Variants in AGAP1 observed in about 807,000 individuals in gnomAD.
AGAP1 encodes ArfGAP with GTPase domain, ankyrin repeat and PH domain 1, also known as arf-GAP with GTPase, ANK repeat and PH domain-containing protein 1.
AGAP1 carries 29 observed loss-of-function variants against 105.3 expected under a neutral mutation model. That is an observed-to-expected ratio of 0.28 (90% CI 0.21 to 0.38). AGAP1 has a LOEUF of 0.38. Among genes scored for constraint, AGAP1 ranks in the 10% least tolerant of loss-of-function variants. The pLI is 1.00. For synonymous variants in AGAP1, 509 were observed against 485.9 expected (o/e 1.05, Z -0.63); for missense variants, 998 against 1,165.1 (o/e 0.86, Z 2.09).
intron 9 of AGAP1, among the ~76,000 whole-genome samples, chr2:235,851,848 C>G (rs1201009163): frequency 6.6e-6 from 1 of 152,228 alleles, no homozygotes; most frequent in Non-Finnish European, 1.5e-5. Flanking sequence ...CACGTCTCAT[C>G]TGCAGTACGC....
intron 13 of AGAP1, among the ~76,000 whole-genome samples, chr2:236,008,943 C>T (rs1480387331): frequency 6.6e-6 from 1 of 152,162 alleles, no homozygotes; most frequent in Admixed American, 6.5e-5. Context: ...GACTGTTGGC[C>T]TTGCAAGAAA....
intron 9 of AGAP1, among the ~76,000 whole-genome samples, chr2:235,820,457 G>A (rs1958727471): frequency 6.6e-6 from 1 of 152,100 alleles, no homozygotes; most frequent in South Asian, 2.1e-4. Flanking sequence ...CTACTTTTGA[G>A]TATTTATCCA....
intron 6 of AGAP1, chr2:235,776,860 T>TCGAGGCTCTCCTAGCCC (rs1955910136): frequency 2.1e-6 from 1 of 468,450 alleles, no homozygotes; most frequent in Admixed American, 2.4e-5. Flanking sequence ...TTCCAAAATC[T>TCGAGGCTCTCCTAGCCC]CGAGGCTCTC....
rs1944765224 is a variant in AGAP1 at position 235,577,298 on chromosome 2, GGTGGTGCTGTGTAATGTTCATTCATC to G, written c.163+82451_163+82476del. ...AATCCTGTTTGGTACTGATGCTTTG[GGTGGTGCTGTGTAATGTTCATTCATC>G]GCACATTTCAATTCGGCCACATTTT... On this transcript the variant is annotated intron_variant, in intron 1 of 17. Transcript: ENST00000304032. This position sits in a 1 kb window ranked among gnomAD's most constrained non-coding sequence, Gnocchi z 4.5. Among the ~76,000 whole-genome samples, 1 of 152,248 alleles carries G rather than the reference GGTGGTGCTGTGTAATGTTCATTCATC, an allele frequency of 6.6e-6. No homozygotes were observed. The highest frequency in any genetic ancestry group is 2.1e-4 in the South Asian group (1 of 4,820).
chr2:235,846,965 C>T (rs1047483872), intron 9 of AGAP1, among the ~76,000 whole-genome samples: 3 of 152,208 alleles, frequency 2.0e-5, no homozygotes, highest in African/African-American at 7.2e-5. Context: ...TGGCCTCCCC[C>T]TCTTCCCCAT....
At chr2:235,916,043 C>G (rs1434011863) in intron 11 of AGAP1, among the ~76,000 whole-genome samples, 1 of 152,040 alleles carries the variant, frequency 6.6e-6, no homozygotes, top group Admixed American at 6.6e-5. Flanking sequence ...AACCTAGAAG[C>G]CTATGCAAAG....
In AGAP1 at chr2:235,973,883, G is replaced by T. The variant is rs1001554344; in HGVS notation, c.1645+5260G>T. On this transcript the variant is annotated intron_variant, in intron 13 of 17. Coordinates refer to ENST00000304032, the MANE Select transcript of AGAP1 (RefSeq NM_001037131.3). The surrounding 1 kb of genome is among the most constrained non-coding windows in gnomAD (Gnocchi z 4.7). ...TTCCCAACCAGGTCCAAGTTCAAGG[G>T]TATGTGCCAGGGAAAAGCGCCTGGG... is the stretch of plus-strand genomic sequence containing the variant. Among the ~76,000 whole-genome samples the T allele has an allele frequency of 2.6e-5, 4 of 152,148 alleles. No individual in the cohort carries two copies. Among genetic ancestry groups the T allele is most frequent in the Non-Finnish European group, 2.9e-5 (2 of 68,032 alleles).
Position 235,893,900 on chromosome 2 carries a change from G to GT in AGAP1, c.1155+10452dup, listed in dbSNP as rs2124935996. Reference sequence around the variant, plus strand: ...TCCTGGCTGTGCTCTACAGATTGTGGTATGATTGAGACTAACAGTACTCAC... The same window carrying GT: ...TCCTGGCTGTGCTCTACAGATTGTGGTTATGATTGAGACTAACAGTACTCAC... On this transcript the variant is annotated intron_variant, in intron 10 of 17. Coordinates refer to ENST00000304032, the MANE Select transcript of AGAP1 (RefSeq NM_001037131.3). This position sits in a 1 kb window ranked among gnomAD's most constrained non-coding sequence, Gnocchi z 4.7. Among the ~76,000 whole-genome samples the GT allele has an allele frequency of 6.6e-6, 1 of 152,176 alleles. No homozygotes were observed. The highest frequency in any genetic ancestry group is 6.5e-5 in the Admixed American group (1 of 15,296).
Position 235,925,310 on chromosome 2 carries a change from C to T in AGAP1, c.1325-5455C>T, listed in dbSNP as rs543695599. On this transcript the variant is annotated intron_variant, in intron 11 of 17. Transcript: ENST00000304032. ...ACATGCCTGCAAAGAACATTTCCAA[C>T]GATGGTGCGCAGAGTTTTCCCACAT... 1.7e-4 allele frequency among the ~76,000 whole-genome samples: 26 copies of T among 152,124 alleles called. No individual in the cohort carries two copies. In the South Asian group the frequency reaches 5.0e-3, roughly 29 times the overall value.
intron 9 of AGAP1, among the ~76,000 whole-genome samples, chr2:235,871,532 T>G (rs549085355): frequency 6.6e-6 from 1 of 152,368 alleles, no homozygotes; most frequent in African/African-American, 2.4e-5. Context: ...CCACTCATGC[T>G]TCTTACATCT....
At chr2:235,531,701 G>A (rs981660867) in intron 1 of AGAP1, among the ~76,000 whole-genome samples, 28 of 150,478 alleles carry the variant, frequency 1.9e-4, no homozygotes, top group African/African-American at 6.1e-4. Context: ...TCCGCCTCCC[G>A]GGTTCAAGCA....
Position 235,720,631 on chromosome 2 carries a change from G to A in AGAP1, c.310+2987G>A. 2 of 982,474 alleles carry A rather than the reference G, an allele frequency of 2.0e-6. No individual in the cohort carries two copies. The highest frequency in any genetic ancestry group is 4.7e-5 in the South Asian group (1 of 21,204). 60.9% of individuals were successfully genotyped at this position (982,474 alleles called of 1,614,324 possible). On this transcript the variant is annotated intron_variant, in intron 3 of 17. Transcript: ENST00000304032. The surrounding 1 kb of genome is among the most constrained non-coding windows in gnomAD (Gnocchi z 5.0). Reference sequence around the variant, plus strand: ...TACTTTGAATGAAAGGCATTTTGCTGTGTATCTGCCTGTCCAGATAGTTCC... The same window carrying A: ...TACTTTGAATGAAAGGCATTTTGCTATGTATCTGCCTGTCCAGATAGTTCC...
At position 236,105,203 on chromosome 2, in the gene AGAP1, A is replaced by C. The variant is rs2059453790; in HGVS notation, c.2115-14989A>C. Among the ~76,000 whole-genome samples the C allele has an allele frequency of 2.0e-5, 3 of 152,150 alleles. No homozygotes were observed. The South Asian group carries it at 6.2e-4, about 32-fold the overall frequency. Reference sequence around the variant, plus strand: ...AAGGAAAAGCAGTTAGATTCGAGCAAAGTGGTGAATTGGTCTGAATGGAAA... The same window carrying C: ...AAGGAAAAGCAGTTAGATTCGAGCACAGTGGTGAATTGGTCTGAATGGAAA... On this transcript the variant is annotated intron_variant, in intron 16 of 17. Coordinates refer to ENST00000304032, the MANE Select transcript of AGAP1 (RefSeq NM_001037131.3). The surrounding 1 kb of genome is among the most constrained non-coding windows in gnomAD (Gnocchi z 4.2).
rs1553568308 is a variant in AGAP1 at position 235,571,973 on chromosome 2, T to TACAC, written c.163+77125_163+77126insCACA. On this transcript the variant is annotated intron_variant, in intron 1 of 17. Transcript: ENST00000304032. ...GTGTGTGTGTGTATACATATATATG[T>TACAC]ATACACACACACACACACACACACA... Among the ~76,000 whole-genome samples, 4 of 70,180 alleles carry TACAC rather than the reference T, an allele frequency of 5.7e-5. No homozygotes were observed. In the South Asian group the frequency reaches 2.6e-3, roughly 46 times the overall value. The allele number at this position is 70,180 out of a possible 152,430, so 46.0% of individuals were successfully genotyped here.
intron 1 of AGAP1, among the ~76,000 whole-genome samples, chr2:235,678,719 C>T (rs569996218): frequency 1.3e-5 from 2 of 152,134 alleles, no homozygotes; most frequent in East Asian, 3.9e-4. Flanking sequence ...GGACTGTCCT[C>T]CTGCCTGCCT....
In AGAP1 at chr2:235,494,995, CT is replaced by C. The variant is rs1941249393; in HGVS notation, c.163+148del. 7 of 720,632 alleles carry C rather than the reference CT, an allele frequency of 9.7e-6. No individual in the cohort carries two copies. The East Asian group carries it at 2.6e-4, about 27-fold the overall frequency. The allele number at this position is 720,632 out of a possible 1,614,324, so 44.6% of individuals were successfully genotyped here. A position where few individuals can be genotyped will look rare whatever the true frequency, so the allele number is the denominator to read the frequency against. On this transcript the variant is annotated intron_variant, in intron 1 of 17. Coordinates refer to ENST00000304032, the MANE Select transcript of AGAP1 (RefSeq NM_001037131.3). ...GAGGGAGCACTGCGGCGCTGCTTGTCTTGCAAGGCCGGGCGAGCGTCGCCTG... is the reference window on the plus strand; with the variant it reads ...GAGGGAGCACTGCGGCGCTGCTTGTCTGCAAGGCCGGGCGAGCGTCGCCTG...
rs1574842472 is a variant in AGAP1, at chr2:235,557,886, A to G, written c.163+63037A>G. On this transcript the variant is annotated intron_variant, in intron 1 of 17. Transcript: ENST00000304032. This position sits in a 1 kb window ranked among gnomAD's most constrained non-coding sequence, Gnocchi z 4.7. ...TGCTTAAATGACATTTGAGGAACCT[A>G]TTGGTGCTTTCTTGAGCCCTGCGCC... Among the ~76,000 whole-genome samples, 1 of 152,156 alleles carries G rather than the reference A, an allele frequency of 6.6e-6. No homozygotes were observed. Among genetic ancestry groups the G allele is most frequent in the African/African-American group, 2.4e-5 (1 of 41,440 alleles).
rs751666925 is a variant in AGAP1 at position 236,036,750 on chromosome 2, G to A, written c.1800+35G>A. 4 of 1,613,000 alleles carry A rather than the reference G, an allele frequency of 2.5e-6. No homozygotes were observed. Among genetic ancestry groups the A allele is most frequent in the African/African-American group, 2.7e-5 (2 of 75,046 alleles). On this transcript the variant is annotated intron_variant, in intron 14 of 17. Transcript: ENST00000304032. The surrounding 1 kb of genome is among the most constrained non-coding windows in gnomAD (Gnocchi z 5.7). The stretch of plus-strand genomic sequence containing the variant: ...CTGGCTGCCCAAAACCAAGGCTGGG[G>A]CTGCTCAGGGGGAGTGCGGGCCCCA...
At chr2:235,699,103 A>G (rs1422713812) in intron 1 of AGAP1, among the ~76,000 whole-genome samples, 1 of 139,726 alleles carries the variant, frequency 7.2e-6, no homozygotes, top group African/African-American at 2.5e-5. Context: ...CTCGCACAGG[A>G]GGGACGGGGA....
Sources: allele counts gnomAD v4.1 joint callset (sites outside exome capture counted in the v4.1 genomes callset), GRCh38; gene constraint gnomAD v4.1.1; non-coding constraint Gnocchi (gnomAD v3.1); transcripts MANE v1.5; gene names NCBI Gene and HGNC (gene_info 2026-07-23, HGNC 2026-07-21).